Variants in NKAIN3 observed in about 807,000 individuals in gnomAD.
NKAIN3 encodes the protein sodium/potassium transporting ATPase interacting 3, also known as sodium/potassium-transporting ATPase subunit beta-1-interacting protein 3.
NKAIN3 carries 25 observed loss-of-function variants against 30.2 expected under a neutral mutation model. The ratio of observed to expected loss-of-function variants is 0.83; its 90% CI spans 0.60 to 1.16. NKAIN3 has a LOEUF of 1.16. NKAIN3 is among the 50% of genes most tolerant of loss of function. The probability of loss-of-function intolerance (pLI) is 0.00; values close to 1 mark genes in which losing one functional copy is unlikely to be tolerated. For missense variants in NKAIN3, 225 were observed against 254.1 expected (o/e 0.89, Z 0.78); for synonymous variants, 91 against 89.6 (o/e 1.02, Z -0.09).
At chr8:62,348,507 G>A (rs1022946718) in intron 1 of NKAIN3, among the ~76,000 whole-genome samples, 2 of 152,158 alleles carry the variant, frequency 1.3e-5, no homozygotes, top group African/African-American at 2.4e-5. Flanking sequence ...GTAAAAACAG[G>A]CAGAGGTTTC....
At chr8:62,483,283 T>C (rs1806783525) in intron 1 of NKAIN3, 1 of 154,394 alleles carries the variant, frequency 6.5e-6, no homozygotes, top group African/African-American at 2.4e-5. Flanking sequence ...GATGTGTCCT[T>C]TCTCCACAGT....
intron 1 of NKAIN3, among the ~76,000 whole-genome samples, chr8:62,299,430 T>C (rs73683089): frequency 0.062 from 9,457 of 152,124 alleles, 982 homozygotes; most frequent in African/African-American, 0.21. Context: ...GGATTGGAAA[T>C]GCTTATTCCC....
rs1312024757 is a variant in NKAIN3 at position 62,973,225 on chromosome 8, A to G, written c.*7818A>G. Among the ~76,000 whole-genome samples, 1 of 152,258 alleles carries G rather than the reference A, an allele frequency of 6.6e-6. No homozygotes were observed. Among genetic ancestry groups the G allele is most frequent in the Admixed American group, 6.5e-5 (1 of 15,286 alleles). ...TGGATCAAATGGTATTTCTAGTTCTAGATCCTTGAGGAATTGCCACACTGT... is the reference window on the plus strand; with the variant it reads ...TGGATCAAATGGTATTTCTAGTTCTGGATCCTTGAGGAATTGCCACACTGT... On this transcript the variant is annotated 3_prime_UTR_variant, in exon 7 of 7. Transcript: ENST00000623646.
intron 1 of NKAIN3, among the ~76,000 whole-genome samples, chr8:62,257,811 C>A (rs2129388470): frequency 6.6e-6 from 1 of 152,016 alleles, no homozygotes; most frequent in South Asian, 2.1e-4. Flanking sequence ...AGTTATTATT[C>A]TTTATAAAAT....
intron 4 of NKAIN3, among the ~76,000 whole-genome samples, chr8:62,802,915 G>A (rs1220383907): frequency 6.6e-6 from 1 of 152,128 alleles, no homozygotes; most frequent in Non-Finnish European, 1.5e-5. Context: ...AAAGTATGGA[G>A]GAAGATCTAC....
intron 1 of NKAIN3, among the ~76,000 whole-genome samples, chr8:62,380,445 T>A (rs1817239382): frequency 6.6e-6 from 1 of 152,128 alleles, no homozygotes; most frequent in Non-Finnish European, 1.5e-5. Context: ...CATTTCAGTG[T>A]TTTTCTGGCT....
At chr8:62,815,592 G>C (rs1818649498) in intron 4 of NKAIN3, among the ~76,000 whole-genome samples, 1 of 152,058 alleles carries the variant, frequency 6.6e-6, no homozygotes, top group African/African-American at 2.4e-5. Context: ...ATGTAATCCA[G>C]CATATAAACA....
chr8:62,376,763 A>C (rs1817096648), intron 1 of NKAIN3, among the ~76,000 whole-genome samples: 1 of 152,336 alleles, frequency 6.6e-6, no homozygotes, highest in African/African-American at 2.4e-5. Flanking sequence ...TCTATTATTT[A>C]GGTAAAAGGG....
intron 4 of NKAIN3, among the ~76,000 whole-genome samples, chr8:62,896,967 G>A (rs1440908584): frequency 6.6e-6 from 1 of 152,156 alleles, no homozygotes; most frequent in Non-Finnish European, 1.5e-5. Flanking sequence ...ACATCTGTGG[G>A]TAGAAGGAAG....
chr8:62,873,066 G>A (rs1420851480), intron 4 of NKAIN3, among the ~76,000 whole-genome samples: 1 of 152,158 alleles, frequency 6.6e-6, no homozygotes, highest in Non-Finnish European at 1.5e-5. Context: ...AAGGAGTTAA[G>A]ACAAATCAGT....
intron 3 of NKAIN3, among the ~76,000 whole-genome samples, chr8:62,616,842 A>G (rs1811469332): frequency 6.6e-6 from 1 of 152,112 alleles, no homozygotes; most frequent in Non-Finnish European, 1.5e-5. Context: ...ACTCGGCAAT[A>G]TAGTTTGGAT....
chr8:62,744,433 T>A (rs1261567534), intron 3 of NKAIN3, among the ~76,000 whole-genome samples: 2 of 152,180 alleles, frequency 1.3e-5, no homozygotes. Context: ...AATTGACTCT[T>A]GTTTTATTTG....
At chr8:62,952,723 A>G (rs1823318953) in intron 5 of NKAIN3, among the ~76,000 whole-genome samples, 1 of 152,256 alleles carries the variant, frequency 6.6e-6, no homozygotes, top group Admixed American at 6.5e-5. Flanking sequence ...ATAAATTGCA[A>G]TAATTGAAAG....
At chr8:62,447,563 A>G (rs919110734) in intron 1 of NKAIN3, among the ~76,000 whole-genome samples, 2 of 152,070 alleles carry the variant, frequency 1.3e-5, no homozygotes, top group African/African-American at 4.8e-5. Flanking sequence ...ATAATTGGAC[A>G]CAATAAAAAT....
intron 3 of NKAIN3, among the ~76,000 whole-genome samples, chr8:62,708,089 T>G (rs1814590157): frequency 6.6e-6 from 1 of 152,224 alleles, no homozygotes; most frequent in Admixed American, 6.5e-5. Context: ...TCTATGTGCC[T>G]ATTTTTATAC....
intron 4 of NKAIN3, among the ~76,000 whole-genome samples, chr8:62,754,751 G>A (rs1396900962): frequency 6.6e-6 from 1 of 152,080 alleles, no homozygotes; most frequent in East Asian, 1.9e-4. Flanking sequence ...AATAGAGAAG[G>A]GTAAAAAGTA....
At chr8:62,954,150 A>G (rs1823356534) in intron 6 of NKAIN3, among the ~76,000 whole-genome samples, 178 bp downstream of exon 6, 1 of 152,224 alleles carries the variant, frequency 6.6e-6, no homozygotes. Flanking sequence ...CATTCCAAAA[A>G]GGATTTGAAG....
intron 1 of NKAIN3, among the ~76,000 whole-genome samples, chr8:62,577,288 A>G (rs1331099571): frequency 6.6e-6 from 1 of 152,070 alleles, no homozygotes; most frequent in African/African-American, 2.4e-5. Context: ...ATATTTTCTC[A>G]TAAGTGGCAT....
At chr8:62,835,165 A>G (rs1563585200) in intron 4 of NKAIN3, among the ~76,000 whole-genome samples, 1 of 119,928 alleles carries the variant, frequency 8.3e-6, no homozygotes, top group African/African-American at 3.4e-5. Context: ...CACATATACA[A>G]TACTGAAAAT....
Sources: gnomAD v4.1 joint callset for allele counts (sites outside exome capture counted in the v4.1 genomes callset) on GRCh38, gnomAD v4.1.1 for gene constraint, MANE v1.5 for transcripts, NCBI Gene and HGNC (gene_info 2026-07-23, HGNC 2026-07-21) for gene names.